The following KCNQ3 variants were observed in gnomAD, a reference collection of about 807,000 sequenced individuals.
KCNQ3 encodes potassium voltage-gated channel subfamily Q member 3.
A neutral mutation model predicts 92.5 loss-of-function variants in KCNQ3; 30 were observed. The ratio of observed to expected loss-of-function variants is 0.32; its 90% CI spans 0.24 to 0.44. The LOEUF (loss-of-function observed/expected upper bound fraction) is 0.44. Ranked by LOEUF, KCNQ3 falls within the 20% of genes least tolerant of loss-of-function variation. The pLI, the probability that KCNQ3 is intolerant of heterozygous loss-of-function variation, is 1.00. For missense variants in KCNQ3, 913 were observed against 1,140.3 expected, an observed-to-expected ratio of 0.80 and a Z score of 2.87; for synonymous variants, 450 against 468.8, an observed-to-expected ratio of 0.96 and a Z score of 0.52.
chr8:132,240,374 C>A (rs1814954766), intron 1 of KCNQ3, among the ~76,000 whole-genome samples: 1 of 152,064 alleles, frequency 6.6e-6, no homozygotes, highest in Middle Eastern at 3.4e-3. Context: ...TTAGTAGAGA[C>A]TGGATTTCTC....
intron 1 of KCNQ3, among the ~76,000 whole-genome samples, chr8:132,313,203 T>C (rs1817645477): frequency 6.6e-6 from 1 of 152,208 alleles, no homozygotes; most frequent in African/African-American, 2.4e-5. Flanking sequence ...CAGAACATTA[T>C]CTTGAAGTCT....
At chr8:132,213,939 T>G (rs1813946215) in intron 1 of KCNQ3, among the ~76,000 whole-genome samples, 1 of 152,130 alleles carries the variant, frequency 6.6e-6, no homozygotes, top group Non-Finnish European at 1.5e-5. Context: ...GACACTAAGT[T>G]TTCTCCTTGA....
intron 1 of KCNQ3, among the ~76,000 whole-genome samples, chr8:132,423,746 C>T (rs1229961411): frequency 6.6e-6 from 1 of 152,170 alleles, no homozygotes; most frequent in African/African-American, 2.4e-5. Context: ...AGTCCCATCC[C>T]AGAGCCCCAC....
chr8:132,152,467 A>T (rs2957034), intron 9 of KCNQ3, among the ~76,000 whole-genome samples: 69,411 of 151,952 alleles, frequency 0.46, 15,964 homozygotes, highest in African/African-American at 0.49. Context: ...AGTATTCTCT[A>T]CTCATGGCAA....
In KCNQ3 at chr8:132,279,481, G is replaced by A. The variant is rs77129139; in HGVS notation, c.387-93300C>T. Among the ~76,000 whole-genome samples the A allele has an allele frequency of 8.6e-3, 1,306 of 152,296 alleles. 21 individuals carry two copies. Among genetic ancestry groups the A allele is most frequent in the African/African-American group, 0.03 (1,234 of 41,548 alleles). On this transcript the variant is annotated intron_variant, in intron 1 of 14. Coordinates refer to ENST00000388996, the MANE Select transcript of KCNQ3 (RefSeq NM_004519.4). ...TGGGTTCCTACTCCATATGAATTCA[G>A]TGAGAATCTATGGACGTGAAGACAA...
At chr8:132,178,673 A>G (rs970179384) in intron 4 of KCNQ3, among the ~76,000 whole-genome samples, 9 of 151,978 alleles carry the variant, frequency 5.9e-5, no homozygotes, top group African/African-American at 1.7e-4. Flanking sequence ...CCGAGATGCA[A>G]TCTCATAGGA....
At chr8:132,201,653 C>T (rs981274123) in intron 1 of KCNQ3, among the ~76,000 whole-genome samples, 6 of 152,142 alleles carry the variant, frequency 3.9e-5, no homozygotes, top group Admixed American at 6.5e-5. Flanking sequence ...CTCCATATGC[C>T]GCCTCCTGGA....
chr8:132,290,831 A>G (rs1014796373), intron 1 of KCNQ3, among the ~76,000 whole-genome samples: 5 of 152,178 alleles, frequency 3.3e-5, no homozygotes, highest in Non-Finnish European at 5.9e-5. Flanking sequence ...CACTACTGTG[A>G]GAAATCAGTA....
At chr8:132,375,899 G>C (rs555776898) in intron 1 of KCNQ3, among the ~76,000 whole-genome samples, 1 of 152,092 alleles carries the variant, frequency 6.6e-6, no homozygotes, top group Non-Finnish European at 1.5e-5. Context: ...CATGTCATTC[G>C]TCATGCTAGC....
chr8:132,284,411 T>A (rs1298076296), intron 1 of KCNQ3, among the ~76,000 whole-genome samples: 1 of 152,196 alleles, frequency 6.6e-6, no homozygotes, highest in Non-Finnish European at 1.5e-5. Flanking sequence ...TGTGTCAGTA[T>A]CTGTCTCAGG....
Position 132,461,865 on chromosome 8 carries a change from T to C in KCNQ3, c.386+18282A>G, listed in dbSNP as rs546646205. Reference sequence around the variant, plus strand: ...GTCCAAATATTTTGTCTATTTTTAATTGAATTGTTTTCCTTATTGTTGAAT... The same window carrying C: ...GTCCAAATATTTTGTCTATTTTTAACTGAATTGTTTTCCTTATTGTTGAAT... On this transcript the variant is annotated intron_variant, in intron 1 of 14. Transcript: ENST00000388996. Among the ~76,000 whole-genome samples the C allele has an allele frequency of 1.6e-4, 25 of 152,390 alleles. 1 individual carries two copies. The South Asian group carries it at 5.0e-3, about 30-fold the overall frequency.
In KCNQ3 at chr8:132,470,506, A is replaced by G. The variant is rs116635512; in HGVS notation, c.386+9641T>C. On this transcript the variant is annotated intron_variant, in intron 1 of 14. Transcript: ENST00000388996. ...ATATTGTCTGTATATGTGCCGAACCATTTGAAAGTAAGTTGTAAACATCAT... is the reference window on the plus strand; with the variant it reads ...ATATTGTCTGTATATGTGCCGAACCGTTTGAAAGTAAGTTGTAAACATCAT... 6.0e-3 allele frequency among the ~76,000 whole-genome samples: 921 copies of G among 152,316 alleles called. 6 individuals are homozygous for G. The highest frequency in any genetic ancestry group is 0.021 in the African/African-American group (861 of 41,564).
At chr8:132,230,862 T>G (rs1814624169) in intron 1 of KCNQ3, among the ~76,000 whole-genome samples, 1 of 152,150 alleles carries the variant, frequency 6.6e-6, no homozygotes, top group African/African-American at 2.4e-5. Context: ...AACTGTGTCC[T>G]CCTCAAAAAA....
intron 1 of KCNQ3, among the ~76,000 whole-genome samples, chr8:132,350,366 G>A (rs1363084888): frequency 6.6e-6 from 1 of 152,194 alleles, no homozygotes; most frequent in Non-Finnish European, 1.5e-5. Flanking sequence ...ACTGCCAAAT[G>A]TTTCAGCTTC....
intron 9 of KCNQ3, among the ~76,000 whole-genome samples, chr8:132,159,378 C>A: frequency 6.6e-6 from 1 of 152,140 alleles, no homozygotes; most frequent in Non-Finnish European, 1.5e-5. Flanking sequence ...ATGGGGGTTG[C>A]TAAGTATAGT....
chr8:132,283,092 C>CTCGTGTGT (rs1355042079), intron 1 of KCNQ3, among the ~76,000 whole-genome samples: 70 of 130,702 alleles, frequency 5.4e-4, no homozygotes, highest in African/African-American at 1.5e-3. Context: ...CTCTCTCTCT[C>CTCGTGTGT]GTGTGTGTGT....
At position 132,165,280 on chromosome 8, in the gene KCNQ3, C is replaced by G. The variant is rs149097473; in HGVS notation, c.1236-1786G>C. 3.3e-4 allele frequency among the ~76,000 whole-genome samples: 50 copies of G among 152,326 alleles called. No individual in the cohort carries two copies. The East Asian group carries it at 9.6e-3, about 29-fold the overall frequency. On this transcript the variant is annotated intron_variant, in intron 8 of 14. Coordinates refer to ENST00000388996, the MANE Select transcript of KCNQ3 (RefSeq NM_004519.4). ...TGAGCACATCCCTATCTTATCTTCA[C>G]TACCCTTATGATAGGAAAGGACCAG...
At chr8:132,185,989 A>C in intron 2 of KCNQ3, 102 bp downstream of exon 2, 1 of 853,702 alleles carries the variant, frequency 1.2e-6, no homozygotes, top group Non-Finnish European at 2.0e-6. Flanking sequence ...TGGAGACTAC[A>C]AGAAGCTGCA....
intron 1 of KCNQ3, among the ~76,000 whole-genome samples, chr8:132,404,891 G>A (rs1051666717): frequency 2.6e-5 from 4 of 152,198 alleles, no homozygotes; most frequent in Admixed American, 2.6e-4. Flanking sequence ...TTCAGTGTGG[G>A]TGACTTAAAT....
Sources: gnomAD v4.1 joint callset for allele counts (sites outside exome capture counted in the v4.1 genomes callset) on GRCh38, gnomAD v4.1.1 for gene constraint, MANE v1.5 for transcripts, NCBI Gene and HGNC (gene_info 2026-07-23, HGNC 2026-07-21) for gene names.